The following LRBA variants were observed in gnomAD, a reference collection of about 807,000 sequenced individuals.
The protein encoded by LRBA is lipopolysaccharide-responsive and beige-like anchor protein.
Under a neutral mutation model 330.0 loss-of-function variants are expected in LRBA, and 176 were observed. That is an observed-to-expected ratio of 0.53 (90% CI 0.47 to 0.60). The LOEUF (loss-of-function observed/expected upper bound fraction) is 0.60, where lower values mean the gene tolerates loss of function less well. Among genes scored for constraint, LRBA ranks in the 20% least tolerant of loss-of-function variants. The probability of loss-of-function intolerance (pLI) is 0.00; values close to 1 mark genes in which losing one functional copy is unlikely to be tolerated. For synonymous variants in LRBA, 1,230 were observed against 1,193.0 expected (o/e 1.03, Z -0.64); for missense variants, 3,259 against 3,444.8 (o/e 0.95, Z 1.35).
intron 44 of LRBA, among the ~76,000 whole-genome samples, chr4:150,447,250 G>A (rs1286491709): frequency 6.6e-6 from 1 of 152,192 alleles, no homozygotes. Context: ...ACAGGGTGCA[G>A]AGATTAAGCA....
intron 36 of LRBA, among the ~76,000 whole-genome samples, chr4:150,714,234 T>A (rs1448682542): frequency 6.6e-6 from 1 of 152,194 alleles, no homozygotes; most frequent in African/African-American, 2.4e-5. Context: ...ATACATTATG[T>A]CTAATATTTC....
intron 37 of LRBA, among the ~76,000 whole-genome samples, chr4:150,604,334 T>A (rs1774413202): frequency 6.6e-6 from 1 of 151,762 alleles, no homozygotes; most frequent in Admixed American, 6.6e-5. Flanking sequence ...AGCCCATAAG[T>A]TGGAGGTTGC....
intron 40 of LRBA, among the ~76,000 whole-genome samples, chr4:150,535,856 G>A (rs1764602052): frequency 6.6e-6 from 1 of 152,106 alleles, no homozygotes; most frequent in South Asian, 2.1e-4. Flanking sequence ...ACTCTCAGAG[G>A]TGGTGTAGTT....
intron 53 of LRBA, among the ~76,000 whole-genome samples, chr4:150,293,714 G>T (rs1728616444): frequency 6.6e-6 from 1 of 152,116 alleles, no homozygotes; most frequent in Non-Finnish European, 1.5e-5. Flanking sequence ...CTAAGACTAA[G>T]GTTGACCCTT....
chr4:150,441,766 C>T (rs1178745012), intron 44 of LRBA, among the ~76,000 whole-genome samples: 4 of 148,590 alleles, frequency 2.7e-5, no homozygotes, highest in Non-Finnish European at 6.1e-5. Flanking sequence ...AAAAGTCCTT[C>T]TCTGGGCCAT....
intron 47 of LRBA, among the ~76,000 whole-genome samples, chr4:150,391,082 G>A (rs111374105): frequency 1.3e-5 from 2 of 152,110 alleles, no homozygotes; most frequent in South Asian, 4.1e-4. Flanking sequence ...AGCAGAATGT[G>A]AGCAAAAATG....
chr4:150,966,603 G>A (rs761004314), intron 2 of LRBA, among the ~76,000 whole-genome samples: 1 of 151,490 alleles, frequency 6.6e-6, no homozygotes, highest in Non-Finnish European at 1.5e-5. Context: ...TGGGATTACA[G>A]GCGTGAGCCA....
intron 47 of LRBA, among the ~76,000 whole-genome samples, chr4:150,371,182 A>ATTTT (rs70937395): frequency 6.3e-4 from 58 of 91,922 alleles, no homozygotes; most frequent in African/African-American, 2.2e-3. Flanking sequence ...AAGCTACTAA[A>ATTTT]TTTTTTTTTT....
At chr4:150,647,349 TTTC>T (rs1185118736) in intron 37 of LRBA, among the ~76,000 whole-genome samples, 10 of 112,250 alleles carry the variant, frequency 8.9e-5, no homozygotes, top group African/African-American at 2.1e-4. Context: ...ATGATTACTT[TTTC>T]TTTTTTTTTT....
Position 150,277,926 on chromosome 4 carries a change from C to A in LRBA, c.8395G>T (p.Asp2799Tyr). The A allele has an allele frequency of 6.2e-7, 1 of 1,614,136 alleles. No homozygotes were observed. The highest frequency in any genetic ancestry group is 1.1e-5 in the South Asian group (1 of 91,084). Residue 2799 changes from aspartate to tyrosine, a missense_variant, in exon 56 of 57, where the codon GAC (aspartate) becomes TAC (tyrosine). Physicochemically the swap from Asp to Tyr is radical, Grantham distance 160. Coordinates refer to ENST00000651943, the MANE Select transcript of LRBA (RefSeq NM_001364905.1). ...GGATAGGCAAAGAGCTGCTTGAGGT[C>A]CGACACCTGCCGGACCACGACCACT... ...RGVVVVRQVSDLKQLFAYPGC... is the reference protein window; with the variant it reads ...RGVVVVRQVSYLKQLFAYPGC...
chr4:150,721,113 T>C (rs1728871670), intron 36 of LRBA: 1 of 594,506 alleles, frequency 1.7e-6, no homozygotes, highest in Non-Finnish European at 3.3e-6. Flanking sequence ...GTTACACACA[T>C]GGGGAGATAC....
chr4:150,720,410 A>G (rs531554770), intron 36 of LRBA, among the ~76,000 whole-genome samples: 2 of 152,272 alleles, frequency 1.3e-5, no homozygotes, highest in African/African-American at 4.8e-5. Context: ...AAATAAAGTG[A>G]CTAAGGAAAG....
intron 36 of LRBA, among the ~76,000 whole-genome samples, chr4:150,730,721 GAA>G (rs1363234649): frequency 2.7e-5 from 4 of 147,032 alleles, no homozygotes; most frequent in Admixed American, 6.9e-5. Flanking sequence ...AGAAAAGAAA[GAA>G]AAAGTGTTCA....
chr4:150,856,773 C>T (rs1751272326), intron 22 of LRBA, among the ~76,000 whole-genome samples: 1 of 152,130 alleles, frequency 6.6e-6, no homozygotes, highest in Non-Finnish European at 1.5e-5. Context: ...AATTACCCAG[C>T]TAAAAGACTA....
intron 37 of LRBA, among the ~76,000 whole-genome samples, chr4:150,671,683 G>A (rs143979909): frequency 1.4e-4 from 22 of 152,278 alleles, no homozygotes; most frequent in African/African-American, 5.3e-4. Flanking sequence ...TACTTTACAT[G>A]AGAAAACTGA....
At position 150,828,592 on chromosome 4, in the gene LRBA, T is replaced by G; in HGVS notation, c.4759A>C (p.Thr1587Pro). Residue 1587 changes from threonine (T) to proline (P), a missense_variant, in exon 30 of 57, where the codon ACT becomes CCT. Coordinates refer to ENST00000651943, the MANE Select transcript of LRBA (RefSeq NM_001364905.1). ...TCAGATTCTTCCACTGATGCCGTAG[T>G]TAAAGTGCTGAATGCTGCTGGTGTG... ...EITPAAFSTL[T>P]TASVEESEST... 6.2e-7 allele frequency: 1 copy of G among 1,613,982 alleles called. No individual in the cohort carries two copies. The highest frequency in any genetic ancestry group is 8.5e-7 in the Non-Finnish European group (1 of 1,179,940).
intron 40 of LRBA, among the ~76,000 whole-genome samples, chr4:150,532,691 A>T (rs2152203663): frequency 6.6e-6 from 1 of 152,260 alleles, no homozygotes; most frequent in East Asian, 1.9e-4. Flanking sequence ...ACTGTCATAT[A>T]AAACAGAAAG....
Position 150,557,771 on chromosome 4 carries a change from T to C in LRBA, c.6330+30277A>G, listed in dbSNP as rs1459720579. Among the ~76,000 whole-genome samples, 37 of 152,208 alleles carry C rather than the reference T, an allele frequency of 2.4e-4. 2 individuals carry two copies. The highest frequency in any genetic ancestry group is 2.4e-3 in the Admixed American group (36 of 15,276). The stretch of plus-strand genomic sequence containing the variant: ...GCATCACATCATATCATATCATAGC[T>C]ACATGCTATCAACGTGTTTTGTCAC... On this transcript the variant is annotated intron_variant, in intron 40 of 56. Transcript: ENST00000651943.
At chr4:150,717,059 C>T (rs1228572055) in intron 36 of LRBA, among the ~76,000 whole-genome samples, 1 of 152,114 alleles carries the variant, frequency 6.6e-6, no homozygotes, top group Non-Finnish European at 1.5e-5. Flanking sequence ...AAGAGATCAC[C>T]AGTTTATACT....
Sources: allele counts gnomAD v4.1 joint callset (sites outside exome capture counted in the v4.1 genomes callset), GRCh38; gene constraint gnomAD v4.1.1; transcripts MANE v1.5; gene names NCBI Gene and HGNC (gene_info 2026-07-23, HGNC 2026-07-21).